Variants in ADAMTSL1 observed in about 807,000 individuals in gnomAD.
ADAMTSL1 encodes ADAMTS-like protein 1.
Under a neutral mutation model 201.8 loss-of-function variants are expected in ADAMTSL1, and 126 were observed. The ratio of observed to expected loss-of-function variants is 0.62; its 90% CI spans 0.54 to 0.72. The LOEUF is 0.72. Among genes scored for constraint, ADAMTSL1 ranks in the 30% least tolerant of loss-of-function variants. ADAMTSL1 has a pLI of 0.00. For missense variants in ADAMTSL1, 2,679 were observed against 2,277.8 expected, an observed-to-expected ratio of 1.18 and a Z score of -3.59; for synonymous variants, 1,121 against 903.4, an observed-to-expected ratio of 1.24 and a Z score of -4.32.
Position 18,681,817 on chromosome 9 carries a change from A to G in ADAMTSL1, c.1347A>G (p.Thr449=), listed in dbSNP as rs144701459. The change falls in exon 12 of 29, where the codon ACA becomes ACG. Residue 449 remains threonine (T), a synonymous_variant. Transcript: ENST00000380548. Reference sequence around the variant, plus strand: ...CTCTTGCAATCTCTTTCCAGTGCACAGTGACATGTGGCCAGGGCCTCAGAT... The same window carrying G: ...CTCTTGCAATCTCTTTCCAGTGCACGGTGACATGTGGCCAGGGCCTCAGAT... ...KWLAQEWSPC[T]VTCGQGLRYR... 1.6e-5 allele frequency: 26 copies of G among 1,611,622 alleles called. No homozygotes were observed. In the African/African-American group the frequency reaches 3.3e-4, roughly 21 times the overall value.
At chr9:17,971,132 G>T (rs914346879) in intron 1 of ADAMTSL1, among the ~76,000 whole-genome samples, 3 of 152,008 alleles carry the variant, frequency 2.0e-5, no homozygotes, top group African/African-American at 7.2e-5. Context: ...GTTTTGTGAA[G>T]GTCATTCAGG....
intron 2 of ADAMTSL1, among the ~76,000 whole-genome samples, chr9:18,455,272 C>T (rs1455647787): frequency 1.3e-5 from 2 of 152,188 alleles, no homozygotes; most frequent in East Asian, 1.9e-4. Context: ...AACAGAATAG[C>T]GTATTCATAG....
At chr9:18,301,285 TAAAG>T (rs1240445403) in intron 2 of ADAMTSL1, among the ~76,000 whole-genome samples, 2 of 152,094 alleles carry the variant, frequency 1.3e-5, no homozygotes, top group African/African-American at 4.8e-5. Flanking sequence ...ATTAGAATAA[TAAAG>T]GAAGTGAAAA....
chr9:18,735,748 C>CTTTTCTTTTCTTTTT (rs762386875), intron 15 of ADAMTSL1, among the ~76,000 whole-genome samples: 99 of 106,518 alleles, frequency 9.3e-4, no homozygotes, highest in African/African-American at 1.1e-3. Flanking sequence ...ATTCTTTTTT[C>CTTTTCTTTTCTTTTT]TTTTTTTTTT....
In ADAMTSL1 at chr9:18,314,349, G is replaced by C. The variant is rs1834275981; in HGVS notation, c.207+150368G>C. On this transcript the variant is annotated intron_variant, in intron 2 of 29. Transcript: ENST00000680146. ...GGGTTCTTGGTCTCGCTGACTTCAAGAATGAAGCTGTGGACCCTTGCAGTG... is the reference window on the plus strand; with the variant it reads ...GGGTTCTTGGTCTCGCTGACTTCAACAATGAAGCTGTGGACCCTTGCAGTG... 1.3e-5 allele frequency among the ~76,000 whole-genome samples: 2 copies of C among 152,154 alleles called. 1 individual carries two copies. The highest frequency in any genetic ancestry group is 4.2e-4 in the South Asian group (2 of 4,782).
chr9:18,532,550 A>G (rs1819508231), intron 2 of ADAMTSL1, among the ~76,000 whole-genome samples: 1 of 152,102 alleles, frequency 6.6e-6, no homozygotes, highest in Non-Finnish European at 1.5e-5. Context: ...TTTTAAAGTT[A>G]TTTAATACTG....
At chr9:18,246,440 TAAAGAAGAG>T (rs1247277887) in intron 2 of ADAMTSL1, among the ~76,000 whole-genome samples, 1 of 152,074 alleles carries the variant, frequency 6.6e-6, no homozygotes, top group African/African-American at 2.4e-5. Context: ...TAAGGGTACT[TAAAGAAGAG>T]AAAGATAAAA....
intron 8 of ADAMTSL1, among the ~76,000 whole-genome samples, chr9:18,658,604 CAAAAT>C (rs1828866902): frequency 6.6e-6 from 1 of 152,158 alleles, no homozygotes; most frequent in African/African-American, 2.4e-5. Flanking sequence ...TGAAAAGTCA[CAAAAT>C]AAACTCCTGT....
At chr9:18,416,312 C>A (rs1265812668) in intron 2 of ADAMTSL1, among the ~76,000 whole-genome samples, 1 of 151,722 alleles carries the variant, frequency 6.6e-6, no homozygotes. Context: ...ATACTATAAA[C>A]CCTAAAGCAA....
At chr9:18,285,552 ACT>A (rs1441870709) in intron 2 of ADAMTSL1, among the ~76,000 whole-genome samples, 4 of 151,224 alleles carry the variant, frequency 2.6e-5, no homozygotes, top group African/African-American at 7.3e-5. Context: ...TATTTTGGAA[ACT>A]CTGTAGCTAT....
chr9:18,746,475 A>G (rs1452185838), intron 15 of ADAMTSL1, among the ~76,000 whole-genome samples: 1 of 152,238 alleles, frequency 6.6e-6, no homozygotes, highest in Admixed American at 6.5e-5. Flanking sequence ...GAAATGTCAC[A>G]CAAGTTTAAA....
At position 18,169,949 on chromosome 9, in the gene ADAMTSL1, T is replaced by C. The variant is rs1389649210; in HGVS notation, c.207+5968T>C. 1.2e-4 allele frequency among the ~76,000 whole-genome samples: 19 copies of C among 152,064 alleles called. No homozygotes were observed. In the South Asian group the frequency reaches 1.4e-3, roughly 12 times the overall value. ...GCTCACAACTATAACTTGAGTTGGC[T>C]ACCAAAATTCTACCTTGGGCAAATA... is the stretch of plus-strand genomic sequence containing the variant. On this transcript the variant is annotated intron_variant, in intron 2 of 29. Transcript: ENST00000680146.
intron 3 of ADAMTSL1, among the ~76,000 whole-genome samples, chr9:18,538,354 G>A (rs1195451706): frequency 2.6e-5 from 4 of 151,490 alleles, no homozygotes; most frequent in Non-Finnish European, 5.9e-5. Flanking sequence ...ATTATAGCCA[G>A]AGAGAACAGA....
At chr9:18,059,985 A>G (rs1039676050) in intron 1 of ADAMTSL1, among the ~76,000 whole-genome samples, 2 of 152,192 alleles carry the variant, frequency 1.3e-5, no homozygotes, top group African/African-American at 2.4e-5. Flanking sequence ...CACATAGTGT[A>G]AAATTTAAGA....
In ADAMTSL1 at chr9:18,481,917, A is replaced by G. The variant is rs954314954; in HGVS notation, c.63+7622A>G. Among the ~76,000 whole-genome samples, 3 of 152,116 alleles carry G rather than the reference A, an allele frequency of 2.0e-5. No homozygotes were observed. The South Asian group carries it at 6.2e-4, about 32-fold the overall frequency. On this transcript the variant is annotated intron_variant, in intron 1 of 28. Coordinates refer to ENST00000380548, the MANE Select transcript of ADAMTSL1 (RefSeq NM_001040272.6). ...GAGAGTTTTCATCTGCCCCACTATC[A>G]CTGGGGAACCTGCTGCCAGATTACA... is the stretch of plus-strand genomic sequence containing the variant.
chr9:18,178,307 C>T (rs551133355), intron 2 of ADAMTSL1, among the ~76,000 whole-genome samples: 29 of 152,192 alleles, frequency 1.9e-4, no homozygotes, highest in South Asian at 8.3e-4. Flanking sequence ...CCAAATACTG[C>T]GCTTTTCCGA....
At chr9:18,569,307 G>T (rs1416678661) in intron 3 of ADAMTSL1, among the ~76,000 whole-genome samples, 2 of 152,170 alleles carry the variant, frequency 1.3e-5, no homozygotes, top group Non-Finnish European at 2.9e-5. Context: ...TTATTTTTGT[G>T]CTTTTAAAGA....
At chr9:18,014,106 A>G (rs1458613387) in intron 1 of ADAMTSL1, among the ~76,000 whole-genome samples, 1 of 151,986 alleles carries the variant, frequency 6.6e-6, no homozygotes, top group Admixed American at 6.6e-5. Flanking sequence ...GGTTCATTTT[A>G]AGTATACTTT....
At chr9:18,072,537 G>C (rs924668729) in intron 1 of ADAMTSL1, among the ~76,000 whole-genome samples, 1 of 152,174 alleles carries the variant, frequency 6.6e-6, no homozygotes, top group Non-Finnish European at 1.5e-5. Context: ...ACACACTCAT[G>C]TGTTTTGTAT....
Sources: allele counts gnomAD v4.1 joint callset (sites outside exome capture counted in the v4.1 genomes callset), GRCh38; gene constraint gnomAD v4.1.1; transcripts MANE v1.5; gene names NCBI Gene and HGNC (gene_info 2026-07-23, HGNC 2026-07-21).